The following PCDHGA12 variants were observed in gnomAD, a reference collection of about 807,000 sequenced individuals.
PCDHGA12 encodes protocadherin gamma subfamily A, 12, also known as protocadherin gamma-A12.
Under a neutral mutation model 61.1 loss-of-function variants are expected in PCDHGA12, and 43 were observed. The observed-to-expected ratio is 0.70, with a 90% CI of 0.55 to 0.91. The LOEUF is 0.91. Among genes scored for constraint, PCDHGA12 ranks in the 40% least tolerant of loss-of-function variants. The probability of loss-of-function intolerance (pLI) is 0.00; values close to 1 mark genes in which losing one functional copy is unlikely to be tolerated. For missense variants in PCDHGA12, 1,236 were observed against 1,227.7 expected, an observed-to-expected ratio of 1.01 and a Z score of -0.10; for synonymous variants, 520 against 542.9, an observed-to-expected ratio of 0.96 and a Z score of 0.59.
At chr5:141,480,715 G>A (rs906358826) in intron 1 of PCDHGA12, among the ~76,000 whole-genome samples, 1 of 152,124 alleles carries the variant, frequency 6.6e-6, no homozygotes, top group African/African-American at 2.4e-5. Flanking sequence ...ACAAATGAAA[G>A]CACAGTCTCT....
Position 141,431,872 on chromosome 5 carries a change from A to G in PCDHGA12, c.1113A>G (p.Val371=), listed in dbSNP as rs2097425104. 5 of 1,614,222 alleles carry G rather than the reference A, an allele frequency of 3.1e-6. No individual in the cohort carries two copies. The highest frequency in any genetic ancestry group is 4.2e-6 in the Non-Finnish European group (5 of 1,180,002). ...GGACATTAATTGCCCTTTTAAATGT[A>G]AATGACCAAGATTCTGAGGAAAACG... ...PRGTLIALLN[V]NDQDSEENGQ... The change falls in exon 1 of 4, where the codon GTA becomes GTG. Residue 371 remains valine (V), a synonymous_variant. Transcript: ENST00000252085. The surrounding 1 kb of genome is among the most constrained non-coding windows in gnomAD (Gnocchi z 4.8).
rs1354607645 is a variant in PCDHGA12, at chr5:141,433,848, A to C, written c.2424+665A>C. Among the ~76,000 whole-genome samples, 4 of 152,082 alleles carry C rather than the reference A, an allele frequency of 2.6e-5. No individual in the cohort carries two copies. In the East Asian group the frequency reaches 5.8e-4, roughly 22 times the overall value. ...GTGAAACTCTATCTCAAAAAAAAAA[A>C]AAAAAAACTTTATCCTCTAGTTTCA... On this transcript the variant is annotated intron_variant, in intron 1 of 3. Coordinates refer to ENST00000252085, the MANE Select transcript of PCDHGA12 (RefSeq NM_003735.3).
Position 141,476,176 on chromosome 5 carries a change from G to C in PCDHGA12, c.2425-18631G>C, listed in dbSNP as rs778169270. 1 of 1,613,530 alleles carries C rather than the reference G, an allele frequency of 6.2e-7. No homozygotes were observed. The highest frequency in any genetic ancestry group is 8.5e-7 in the Non-Finnish European group (1 of 1,180,006). On this transcript the variant is annotated intron_variant, in intron 1 of 3. Transcript: ENST00000252085. The surrounding 1 kb of genome is among the most constrained non-coding windows in gnomAD (Gnocchi z 7.6). ...GCACCGGGAGGGTAGTGGGAGTTTT[G>C]CTTCTGCTTGGTGCCTTGAACAAGG...
In PCDHGA12 at chr5:141,511,233, T is replaced by C. The variant is rs776405064; in HGVS notation, c.*60T>C. 5.0e-6 allele frequency: 8 copies of C among 1,595,310 alleles called. No homozygotes were observed. Among genetic ancestry groups the C allele is most frequent in the Non-Finnish European group, 6.8e-6 (8 of 1,170,902 alleles). On this transcript the variant is annotated 3_prime_UTR_variant, in exon 4 of 4. Transcript: ENST00000252085. ...CTCCCCAACCAGCCCAGCTTCTCCT[T>C]ACCTGCACCCAGGCCTCAGAGTTTC...
chr5:141,496,888 T>TA (rs35063790), intron 2 of PCDHGA12, among the ~76,000 whole-genome samples: 34,968 of 133,936 alleles, frequency 0.26, 4,377 homozygotes, highest in Admixed American at 0.34. Flanking sequence ...AAGTAACACT[T>TA]AAAAAAAAAA....
chr5:141,478,514 G>A, intron 1 of PCDHGA12: 2 of 1,611,534 alleles, frequency 1.2e-6, no homozygotes, highest in Non-Finnish European at 1.7e-6. Context: ...CTATAGGCAG[G>A]TGTTGGGTGC....
rs776015544 is a variant in PCDHGA12, at chr5:141,485,125, G to C, written c.2425-9682G>C. The C allele has an allele frequency of 7.1e-7, 1 of 1,412,278 alleles. No homozygotes were observed. Among genetic ancestry groups the C allele is most frequent in the Admixed American group, 1.7e-5 (1 of 57,660 alleles). 87.5% of individuals were successfully genotyped at this position (1,412,278 alleles called of 1,614,324 possible). On this transcript the variant is annotated intron_variant, in intron 1 of 3. Transcript: ENST00000252085. The surrounding 1 kb of genome is among the most constrained non-coding windows in gnomAD (Gnocchi z 5.7). The stretch of plus-strand genomic sequence containing the variant: ...CTGCTGTGGCTGTTTGGGGCGGGTC[G>C]GCTTCATCCGCGTCTCAGGAGCAAG...
intron 1 of PCDHGA12, among the ~76,000 whole-genome samples, chr5:141,460,737 G>GTA (rs1393989215): frequency 2.0e-5 from 3 of 150,700 alleles, no homozygotes; most frequent in East Asian, 1.9e-4. Context: ...TATACACATT[G>GTA]TATATATATG....
chr5:141,491,379 A>G lies in PCDHGA12; in HGVS notation c.2425-3428A>G, dbSNP rs140150079. 423 of 1,613,968 alleles carry G rather than the reference A, an allele frequency of 2.6e-4. No homozygotes were observed. Among genetic ancestry groups the G allele is most frequent in the Non-Finnish European group, 3.0e-4 (359 of 1,179,986 alleles). On this transcript the variant is annotated intron_variant, in intron 1 of 3. Transcript: ENST00000252085. The surrounding 1 kb of genome is among the most constrained non-coding windows in gnomAD (Gnocchi z 6.9). ...CCCTAGTCACCTTCACCTTTCTGTC[A>G]GCGAAGTGCCTTCAGGGAAACGCAG...
intron 1 of PCDHGA12, among the ~76,000 whole-genome samples, chr5:141,469,189 T>C (rs1393685141): frequency 2.6e-5 from 4 of 151,710 alleles, no homozygotes; most frequent in African/African-American, 9.7e-5. Flanking sequence ...GGCAAGAGGA[T>C]TGCTTGAGCC....
intron 1 of PCDHGA12, among the ~76,000 whole-genome samples, chr5:141,462,264 G>A (rs966953621): frequency 1.3e-5 from 2 of 152,174 alleles, no homozygotes; most frequent in African/African-American, 4.8e-5. Context: ...CCAGCCTAAA[G>A]TGTATTGTTT....
Position 141,490,710 on chromosome 5 carries a change from C to G in PCDHGA12, c.2425-4097C>G, listed in dbSNP as rs1158575765. On this transcript the variant is annotated intron_variant, in intron 1 of 3. Coordinates refer to ENST00000252085, the MANE Select transcript of PCDHGA12 (RefSeq NM_003735.3). The surrounding 1 kb of genome is among the most constrained non-coding windows in gnomAD (Gnocchi z 5.4). ...ACACTGGGGATAATGCCCGCCTCAC[C>G]TACTCCATTGTAGGAAATCAGGTTC... 6.2e-7 allele frequency: 1 copy of G among 1,614,208 alleles called. No homozygotes were observed. The highest frequency in any genetic ancestry group is 8.5e-7 in the Non-Finnish European group (1 of 1,180,030).
At chr5:141,465,184 A>G (rs866520508) in intron 1 of PCDHGA12, among the ~76,000 whole-genome samples, 2 of 152,130 alleles carry the variant, frequency 1.3e-5, no homozygotes, top group Admixed American at 6.5e-5. Flanking sequence ...ATTTAATTAA[A>G]AGATAAAAAT....
In PCDHGA12 at chr5:141,489,515, G is replaced by A. The variant is rs983415025; in HGVS notation, c.2425-5292G>A. On this transcript the variant is annotated intron_variant, in intron 1 of 3. Coordinates refer to ENST00000252085, the MANE Select transcript of PCDHGA12 (RefSeq NM_003735.3). The surrounding 1 kb of genome is among the most constrained non-coding windows in gnomAD (Gnocchi z 4.5). ...CTGGCAGTGAATCAAAAGATTGACC[G>A]AGAAAGCCTATGTGGAGCCAGCACC... 2 of 1,614,104 alleles carry A rather than the reference G, an allele frequency of 1.2e-6. No homozygotes were observed. Among genetic ancestry groups the A allele is most frequent in the Non-Finnish European group, 8.5e-7 (1 of 1,180,034 alleles).
rs377248872 is a variant in PCDHGA12 at position 141,489,231 on chromosome 5, C to T, written c.2425-5576C>T. 2 of 1,528,166 alleles carry T rather than the reference C, an allele frequency of 1.3e-6. No homozygotes were observed. The highest frequency in any genetic ancestry group is 1.4e-5 in the African/African-American group (1 of 72,140). The allele number at this position is 1,528,166 out of a possible 1,614,324, so 94.7% of individuals were successfully genotyped here. A position where few individuals can be genotyped will look rare whatever the true frequency, so the allele number is the denominator to read the frequency against. On this transcript the variant is annotated intron_variant, in intron 1 of 3. Transcript: ENST00000252085. This position sits in a 1 kb window ranked among gnomAD's most constrained non-coding sequence, Gnocchi z 4.5. ...CACAGACTTACTCTCCACAAAGGGA[C>T]TTCTGGGTCATGGGGCCCAAGACAC...
At chr5:141,447,950 G>T (rs1195519095) in intron 1 of PCDHGA12, among the ~76,000 whole-genome samples, 1 of 152,052 alleles carries the variant, frequency 6.6e-6, no homozygotes, top group Non-Finnish European at 1.5e-5. Flanking sequence ...GCTGGGCATG[G>T]TGGCGGACAC....
intron 1 of PCDHGA12, chr5:141,440,761 C>T (rs2098198732): frequency 6.6e-6 from 1 of 152,172 alleles, no homozygotes; most frequent in African/African-American, 2.4e-5. Context: ...GCAGAGCTCC[C>T]ATCCCTTAGT....
At chr5:141,433,607 G>T (rs1209706866) in intron 1 of PCDHGA12, among the ~76,000 whole-genome samples, 1 of 152,080 alleles carries the variant, frequency 6.6e-6, no homozygotes. Flanking sequence ...AGGCCGAGGC[G>T]GGTGGATCAC....
At chr5:141,478,108 G>A (rs1160328367) in intron 1 of PCDHGA12, 1 of 1,614,046 alleles carries the variant, frequency 6.2e-7, no homozygotes, top group Admixed American at 1.7e-5. Flanking sequence ...CCCTCACTGT[G>A]TCAGTAACCG....
Sources: allele counts gnomAD v4.1 joint callset (sites outside exome capture counted in the v4.1 genomes callset), GRCh38; gene constraint gnomAD v4.1.1; non-coding constraint Gnocchi (gnomAD v3.1); transcripts MANE v1.5; gene names NCBI Gene and HGNC (gene_info 2026-07-23, HGNC 2026-07-21).